WIF1: variants seen among roughly 807,000 people sequenced by gnomAD.
WIF1 encodes Wnt inhibitory factor 1.
A neutral mutation model predicts 53.5 loss-of-function variants in WIF1; 35 were observed. The ratio of observed to expected loss-of-function variants is 0.65; its 90% CI spans 0.50 to 0.87. The LOEUF is 0.87. WIF1 is among the 40% of genes least tolerant of loss of function. WIF1 has a pLI of 0.00. For missense variants in WIF1, 467 were observed against 476.8 expected (o/e 0.98, Z 0.19); for synonymous variants, 171 against 170.4 (o/e 1.00, Z -0.03).
chr12:65,083,933 G>A (rs1882996834), intron 2 of WIF1: 1 of 284,544 alleles, frequency 3.5e-6, no homozygotes, highest in East Asian at 1.1e-4. Context: ...CAACCTCCTG[G>A]GCTCAAGCCA....
At chr12:65,091,423 G>A (rs1336987235) in intron 2 of WIF1, among the ~76,000 whole-genome samples, 2 of 150,064 alleles carry the variant, frequency 1.3e-5, no homozygotes, top group African/African-American at 4.9e-5. Flanking sequence ...ATTATACAAG[G>A]CAAAACAACA....
intron 3 of WIF1, 82 bp from the exon 4 acceptor site, chr12:65,068,986 C>A: frequency 6.9e-7 from 1 of 1,447,974 alleles, no homozygotes; most frequent in South Asian, 1.3e-5. Context: ...AACCAAGAGT[C>A]AAAGGACAAA....
intron 2 of WIF1, among the ~76,000 whole-genome samples, chr12:65,115,194 A>G (rs1883490252): frequency 6.6e-6 from 1 of 151,144 alleles, no homozygotes; most frequent in Non-Finnish European, 1.5e-5. Context: ...AAAAAAAAAA[A>G]AGGCAACATC....
chr12:65,121,059 C>T lies in WIF1; in HGVS notation c.133G>A (p.Ala45Thr), dbSNP rs1353832207. The part of the protein sequence containing the change: ...SLYLWIDAHQ[A>T]RVLIGFEEDI... ...GGGGCCTTACCTATGAGTACTCTTG[C>T]CTGGTGAGCATCGATCCATAGGTAC... The change falls in exon 1 of 10, where the codon GCA (alanine) becomes ACA (threonine). Residue 45 changes from alanine (A) to threonine (T), a missense_variant. By Grantham distance (58) the Ala-to-Thr change is moderately conservative. Transcript: ENST00000286574. 2.0e-6 allele frequency: 3 copies of T among 1,531,584 alleles called. No homozygotes were observed. The highest frequency in any genetic ancestry group is 5.1e-5 in the East Asian group (2 of 39,584). 94.9% of individuals were successfully genotyped at this position (1,531,584 alleles called of 1,614,324 possible). A position where few individuals can be genotyped will look rare whatever the true frequency, so the allele number is the denominator to read the frequency against.
chr12:65,106,382 T>A (rs200679717), intron 2 of WIF1, among the ~76,000 whole-genome samples: 1,503 of 114,806 alleles, frequency 0.013, 31 homozygotes, highest in African/African-American at 0.053. Context: ...TATTTTTTTT[T>A]ATTTTTTTTG....
intron 9 of WIF1, 142 bp downstream of exon 9, chr12:65,054,976 A>G: frequency 2.6e-6 from 2 of 767,984 alleles, no homozygotes; most frequent in Middle Eastern, 3.8e-4. Context: ...AATGAAATGG[A>G]AAGCAGGGCT....
intron 2 of WIF1, among the ~76,000 whole-genome samples, chr12:65,095,234 G>A (rs747279519): frequency 1.3e-5 from 2 of 151,510 alleles, no homozygotes; most frequent in Non-Finnish European, 2.9e-5. Context: ...AGCCACTAGT[G>A]CCCAGCTTGA....
At chr12:65,059,059 GA>G (rs879371486) in intron 7 of WIF1, among the ~76,000 whole-genome samples, 1,488 of 124,770 alleles carry the variant, frequency 0.012, 14 homozygotes, top group African/African-American at 0.017. Context: ...CTCAAAAAAA[GA>G]AAAAAAAAAA....
intron 1 of WIF1, 168 bp from the exon 2 acceptor site, chr12:65,120,724 A>T: frequency 2.3e-6 from 2 of 875,974 alleles, no homozygotes; most frequent in Non-Finnish European, 3.4e-6. Flanking sequence ...TCTGTGGATG[A>T]TGAGAATGAT....
intron 2 of WIF1, among the ~76,000 whole-genome samples, chr12:65,103,676 G>T (rs1031491435): frequency 2.6e-5 from 4 of 152,158 alleles, no homozygotes; most frequent in Non-Finnish European, 5.9e-5. Flanking sequence ...TGATTTGAGT[G>T]GACAGGTAGG....
intron 2 of WIF1, among the ~76,000 whole-genome samples, chr12:65,085,486 A>T (rs1460886767): frequency 6.6e-6 from 1 of 152,198 alleles, no homozygotes; most frequent in African/African-American, 2.4e-5. Context: ...TTGGATTAGG[A>T]ATGCTCAACC....
At chr12:65,080,688 C>T (rs560813632) in intron 2 of WIF1, among the ~76,000 whole-genome samples, 1 of 152,220 alleles carries the variant, frequency 6.6e-6, no homozygotes, top group South Asian at 2.1e-4. Flanking sequence ...TTACTAAGTA[C>T]AGTAACAACA....
rs374035208 is a variant in WIF1 at position 65,121,229 on chromosome 12, G to T, written c.-38C>A. 2 of 1,409,424 alleles carry T rather than the reference G, an allele frequency of 1.4e-6. No homozygotes were observed. Among genetic ancestry groups the T allele is most frequent in the African/African-American group, 1.5e-5 (1 of 68,366 alleles). The allele number at this position is 1,409,424 out of a possible 1,614,324, so 87.3% of individuals were successfully genotyped here. On this transcript the variant is annotated 5_prime_UTR_variant, in exon 1 of 10. Transcript: ENST00000286574. ...CTCCTCGCTGCCGGGAAAACTCCTCGTGCCGCACCTACGCAACCTGGCGCC... is the reference window on the plus strand; with the variant it reads ...CTCCTCGCTGCCGGGAAAACTCCTCTTGCCGCACCTACGCAACCTGGCGCC...
At chr12:65,109,111 C>A (rs887549196) in intron 2 of WIF1, among the ~76,000 whole-genome samples, 13 of 152,174 alleles carry the variant, frequency 8.5e-5, no homozygotes, top group Admixed American at 5.2e-4. Context: ...TTGTCATTTT[C>A]CAACTACACC....
At chr12:65,098,039 G>A (rs1490431120) in intron 2 of WIF1, among the ~76,000 whole-genome samples, 2 of 152,116 alleles carry the variant, frequency 1.3e-5, no homozygotes, top group African/African-American at 4.8e-5. Context: ...TTAAGAGAAG[G>A]ACAATAGCAC....
intron 2 of WIF1, among the ~76,000 whole-genome samples, chr12:65,106,378 T>A (rs1046714955): frequency 2.0e-5 from 3 of 150,934 alleles, no homozygotes; most frequent in Non-Finnish European, 4.4e-5. Flanking sequence ...TATATATTTT[T>A]TTTTATTTTT....
In WIF1 at chr12:65,051,330, A is replaced by G. The variant is rs768128002; in HGVS notation, c.*19T>C. The G allele has an allele frequency of 1.2e-6, 2 of 1,608,398 alleles. No individual in the cohort carries two copies. The highest frequency in any genetic ancestry group is 1.7e-5 in the Admixed American group (1 of 58,726). On this transcript the variant is annotated 3_prime_UTR_variant, in exon 10 of 10. Coordinates refer to ENST00000286574, the MANE Select transcript of WIF1 (RefSeq NM_007191.5). The stretch of plus-strand genomic sequence containing the variant: ...GGCTATGAACTTGGTGTAACTTAAA[A>G]CGTTTCAGATGTCGGAGTTCACCAG...
chr12:65,075,607 A>C (rs1275704788), intron 3 of WIF1, among the ~76,000 whole-genome samples: 8 of 152,220 alleles, frequency 5.3e-5, no homozygotes, highest in Admixed American at 5.2e-4. Context: ...AATGACTCAA[A>C]AATAATTCAG....
chr12:65,103,051 A>G (rs1423452456), intron 2 of WIF1, among the ~76,000 whole-genome samples: 1 of 152,234 alleles, frequency 6.6e-6, no homozygotes, highest in Non-Finnish European at 1.5e-5. Context: ...TTATAATTCA[A>G]ATAGCATTTA....
Sources: allele counts gnomAD v4.1 joint callset (sites outside exome capture counted in the v4.1 genomes callset), GRCh38; gene constraint gnomAD v4.1.1; transcripts MANE v1.5; gene names NCBI Gene and HGNC (gene_info 2026-07-23, HGNC 2026-07-21).